The following STAG1 variants were observed in gnomAD, a reference collection of about 807,000 sequenced individuals.
STAG1 encodes the protein cohesin subunit SA-1.
Under a neutral mutation model 170.9 loss-of-function variants are expected in STAG1, and 26 were observed. The ratio of observed to expected loss-of-function variants is 0.15; its 90% confidence interval spans 0.11 to 0.21. The LOEUF (loss-of-function observed/expected upper bound fraction) is 0.21. STAG1 is among the 10% of genes least tolerant of loss of function. The probability of loss-of-function intolerance (pLI) is 1.00; values close to 1 mark genes in which losing one functional copy is unlikely to be tolerated. For synonymous variants in STAG1, 514 were observed against 497.7 expected, an observed-to-expected ratio of 1.03 and a Z score of -0.44; for missense variants, 964 against 1,509.5, an observed-to-expected ratio of 0.64 and a Z score of 5.99.
intron 1 of STAG1, among the ~76,000 whole-genome samples, chr3:136,749,319 A>G (rs1387667964): frequency 1.3e-5 from 2 of 152,210 alleles, no homozygotes; most frequent in African/African-American, 4.8e-5. Context: ...GATAAAAGCT[A>G]ACAGCCATGT....
At chr3:136,439,388 C>CCACACACACACACACACACA (rs1559801956) in intron 15 of STAG1, among the ~76,000 whole-genome samples, 1 of 75,236 alleles carries the variant, frequency 1.3e-5, no homozygotes, top group African/African-American at 5.2e-5. Context: ...AAACACCCCC[C>CCACACACACACACACACACA]GACACACACA....
chr3:136,661,641 C>T (rs1171069847), intron 1 of STAG1, among the ~76,000 whole-genome samples: 1 of 152,066 alleles, frequency 6.6e-6, no homozygotes, highest in Non-Finnish European at 1.5e-5. Flanking sequence ...ATCCAAAATC[C>T]AAAACACTTC....
chr3:136,451,535 G>A (rs997314033), intron 14 of STAG1, among the ~76,000 whole-genome samples: 2 of 152,110 alleles, frequency 1.3e-5, no homozygotes, highest in Non-Finnish European at 2.9e-5. Context: ...AGGCCAAGGT[G>A]GGCAGATGAC....
intron 3 of STAG1, among the ~76,000 whole-genome samples, chr3:136,608,818 A>C (rs917952351): frequency 7.3e-5 from 11 of 151,528 alleles, no homozygotes; most frequent in African/African-American, 2.7e-4. Flanking sequence ...AAAAAAAAAA[A>C]AGAACTAGAC....
chr3:136,509,242 A>G (rs192018658), intron 7 of STAG1, among the ~76,000 whole-genome samples: 7 of 152,366 alleles, frequency 4.6e-5, no homozygotes, highest in African/African-American at 1.4e-4. Flanking sequence ...ATCCCGATTA[A>G]ACAGGCAAGA....
At chr3:136,400,235 C>T (rs534931773) in intron 21 of STAG1, among the ~76,000 whole-genome samples, 1 of 148,794 alleles carries the variant, frequency 6.7e-6, no homozygotes, top group Non-Finnish European at 1.5e-5. Context: ...CAAAAATTTT[C>T]TTTTTTTTTT....
intron 8 of STAG1, among the ~76,000 whole-genome samples, chr3:136,502,196 T>C (rs1052847885): frequency 6.6e-6 from 1 of 151,558 alleles, no homozygotes; most frequent in East Asian, 1.9e-4. Context: ...AAAAACAGTA[T>C]AAAATCATTT....
At chr3:136,417,011 T>C (rs552222095) in intron 21 of STAG1, among the ~76,000 whole-genome samples, 2 of 152,094 alleles carry the variant, frequency 1.3e-5, no homozygotes, top group East Asian at 3.9e-4. Flanking sequence ...TGCATCTGGC[T>C]AATTTTTTTA....
chr3:136,485,702 G>C (rs1175250718), intron 9 of STAG1, among the ~76,000 whole-genome samples: 1 of 152,124 alleles, frequency 6.6e-6, no homozygotes, highest in Non-Finnish European at 1.5e-5. Flanking sequence ...GACTGTCCTT[G>C]ATTCAGTGAA....
chr3:136,464,410 C>G (rs1350656793), intron 13 of STAG1, among the ~76,000 whole-genome samples: 2 of 147,356 alleles, frequency 1.4e-5, no homozygotes, highest in African/African-American at 5.0e-5. Context: ...GCAACAAGAG[C>G]GAAACTCCGT....
intron 1 of STAG1, among the ~76,000 whole-genome samples, chr3:136,677,601 G>A (rs1254365672): frequency 6.6e-6 from 1 of 152,092 alleles, no homozygotes. Flanking sequence ...CTACCAACAT[G>A]AATGGAATTA....
At chr3:136,489,529 TGA>T (rs1376979372) in intron 9 of STAG1, among the ~76,000 whole-genome samples, 1 of 152,134 alleles carries the variant, frequency 6.6e-6, no homozygotes, top group Non-Finnish European at 1.5e-5. Flanking sequence ...AGGAATCTCA[TGA>T]GAGCTCCACA....
chr3:136,385,638 A>G (rs1196288657), intron 22 of STAG1, among the ~76,000 whole-genome samples: 1 of 152,218 alleles, frequency 6.6e-6, no homozygotes. Context: ...TGAAACCTAC[A>G]TATACCCATA....
At position 136,629,559 on chromosome 3, in the gene STAG1, T is replaced by C. The variant is rs565166354; in HGVS notation, c.29+1311A>G. Among the ~76,000 whole-genome samples the C allele has an allele frequency of 1.7e-4, 26 of 151,920 alleles. 1 individual carries two copies. The South Asian group carries it at 4.4e-3, about 25-fold the overall frequency. On this transcript the variant is annotated intron_variant, in intron 2 of 33. Coordinates refer to ENST00000383202, the MANE Select transcript of STAG1 (RefSeq NM_005862.3). The stretch of plus-strand genomic sequence containing the variant: ...TAAAAAAGAAATAAGTAGGCAGAAA[T>C]AAATTTTATCTCCCATATGTCGGCG...
At chr3:136,661,398 T>G (rs1941572624) in intron 1 of STAG1, among the ~76,000 whole-genome samples, 3 of 152,142 alleles carry the variant, frequency 2.0e-5, no homozygotes, top group Admixed American at 2.0e-4. Flanking sequence ...TATGATGTCA[T>G]AAGCGGAAAT....
chr3:136,468,350 A>G (rs903441595), intron 12 of STAG1, among the ~76,000 whole-genome samples: 2 of 152,374 alleles, frequency 1.3e-5, no homozygotes, highest in South Asian at 4.1e-4. Flanking sequence ...ACAGAAATAC[A>G]AACTACCATC....
At chr3:136,646,505 A>C (rs1473263119) in intron 1 of STAG1, among the ~76,000 whole-genome samples, 1 of 152,202 alleles carries the variant, frequency 6.6e-6, no homozygotes, top group Non-Finnish European at 1.5e-5. Flanking sequence ...TTTATCCTTC[A>C]ATACTATCTC....
At chr3:136,406,716 CCAAT>C (rs1470009945) in intron 21 of STAG1, among the ~76,000 whole-genome samples, 1 of 151,838 alleles carries the variant, frequency 6.6e-6, no homozygotes, top group African/African-American at 2.4e-5. Context: ...GATTGATTAT[CCAAT>C]CAATGTACTG....
chr3:136,648,107 G>A (rs763274046), intron 1 of STAG1, among the ~76,000 whole-genome samples: 36 of 152,212 alleles, frequency 2.4e-4, no homozygotes, highest in Non-Finnish European at 4.6e-4. Context: ...AAGCTGGACA[G>A]TAAGTATCTA....
Sources: gnomAD v4.1 joint callset for allele counts (sites outside exome capture counted in the v4.1 genomes callset) on GRCh38, gnomAD v4.1.1 for gene constraint, MANE v1.5 for transcripts, NCBI Gene and HGNC (gene_info 2026-07-23, HGNC 2026-07-21) for gene names.